The following ARHGAP10 variants were observed in gnomAD, a reference collection of about 807,000 sequenced individuals.
ARHGAP10 encodes the protein Rho GTPase activating protein 10.
ARHGAP10 carries 87 observed loss-of-function variants against 108.6 expected under a neutral mutation model. The ratio of observed to expected loss-of-function variants is 0.80; its 90% CI spans 0.67 to 0.96. ARHGAP10 has a LOEUF of 0.96. Among genes scored for constraint, ARHGAP10 ranks in the 40% least tolerant of loss-of-function variants. The probability of loss-of-function intolerance (pLI) is 0.00; values close to 1 mark genes in which losing one functional copy is unlikely to be tolerated. For missense variants in ARHGAP10, 939 were observed against 954.5 expected, an observed-to-expected ratio of 0.98 and a Z score of 0.21; for synonymous variants, 347 against 341.1, an observed-to-expected ratio of 1.02 and a Z score of -0.19.
chr4:147,994,041 G>A (rs1740379901), intron 18 of ARHGAP10, among the ~76,000 whole-genome samples: 4 of 152,198 alleles, frequency 2.6e-5, no homozygotes, highest in Admixed American at 2.6e-4. Flanking sequence ...CACACAGCTT[G>A]CTTTATTCAT....
At chr4:148,029,079 G>T (rs1222964679) in intron 19 of ARHGAP10, among the ~76,000 whole-genome samples, 1 of 152,198 alleles carries the variant, frequency 6.6e-6, no homozygotes, top group African/African-American at 2.4e-5. Flanking sequence ...AAAAAATGGT[G>T]TAGAATGTCT....
At position 147,856,361 on chromosome 4, in the gene ARHGAP10, C is replaced by T. The variant is rs184260486; in HGVS notation, c.385-1192C>T. Among the ~76,000 whole-genome samples the T allele has an allele frequency of 1.6e-4, 25 of 152,188 alleles. No individual in the cohort carries two copies. The East Asian group carries it at 4.8e-3, about 29-fold the overall frequency. The stretch of plus-strand genomic sequence containing the variant: ...ACCTATTGATACGTATTTTAAATAG[C>T]GTTACAGAAATCACTGGAAAGGTTT... On this transcript the variant is annotated intron_variant, in intron 4 of 22. Coordinates refer to ENST00000336498, the MANE Select transcript of ARHGAP10 (RefSeq NM_024605.4).
At chr4:148,067,491 G>A (rs1049052246) in intron 22 of ARHGAP10, among the ~76,000 whole-genome samples, 1 of 152,148 alleles carries the variant, frequency 6.6e-6, no homozygotes, top group Non-Finnish European at 1.5e-5. Context: ...GTTCCAAGTG[G>A]CCACTCTAGA....
chr4:147,970,093 A>G (rs1231898949), intron 18 of ARHGAP10, among the ~76,000 whole-genome samples: 2 of 151,958 alleles, frequency 1.3e-5, no homozygotes, highest in African/African-American at 4.8e-5. Flanking sequence ...ATCTTTGAAC[A>G]CTTCTACTCC....
At chr4:147,952,246 G>A (rs918561128) in intron 15 of ARHGAP10, among the ~76,000 whole-genome samples, 21 of 152,134 alleles carry the variant, frequency 1.4e-4, no homozygotes, top group African/African-American at 4.8e-4. Flanking sequence ...TTGAGTGGAC[G>A]CAGGCTTTCA....
chr4:147,832,283 G>A (rs1393423444), intron 3 of ARHGAP10, among the ~76,000 whole-genome samples: 2 of 151,920 alleles, frequency 1.3e-5, no homozygotes, highest in Non-Finnish European at 2.9e-5. Flanking sequence ...ATATTAGATG[G>A]TATAGCCTTG....
At chr4:147,874,006 C>G (rs945746218) in intron 7 of ARHGAP10, among the ~76,000 whole-genome samples, 1 of 151,688 alleles carries the variant, frequency 6.6e-6, no homozygotes, top group Non-Finnish European at 1.5e-5. Context: ...TGATATTTCT[C>G]GCAGCTCTTA....
chr4:147,771,760 A>G (rs750884921), intron 1 of ARHGAP10, among the ~76,000 whole-genome samples: 13 of 152,082 alleles, frequency 8.5e-5, no homozygotes, highest in Non-Finnish European at 1.9e-4. Context: ...CATAATTCTC[A>G]TCTTCCTCGC....
chr4:147,927,852 C>A (rs1275690745), intron 13 of ARHGAP10, among the ~76,000 whole-genome samples: 2 of 152,192 alleles, frequency 1.3e-5, no homozygotes, highest in Admixed American at 1.3e-4. Context: ...ACAGCCAGTG[C>A]CTGTATTAGA....
At chr4:148,007,220 C>T (rs1004529391) in intron 18 of ARHGAP10, among the ~76,000 whole-genome samples, 1 of 152,148 alleles carries the variant, frequency 6.6e-6, no homozygotes, top group African/African-American at 2.4e-5. Context: ...CTATCTGACA[C>T]GCTTTTCTTT....
At chr4:147,908,416 A>C (rs1736589534) in intron 11 of ARHGAP10, among the ~76,000 whole-genome samples, 2 of 152,226 alleles carry the variant, frequency 1.3e-5, no homozygotes, top group South Asian at 4.1e-4. Flanking sequence ...TGGCAATGTC[A>C]GTGTAACCTT....
At chr4:147,974,958 A>T (rs764942013) in intron 18 of ARHGAP10, among the ~76,000 whole-genome samples, 2 of 152,186 alleles carry the variant, frequency 1.3e-5, no homozygotes, top group Admixed American at 6.5e-5. Context: ...CCATGATTCA[A>T]TTATCTCCCA....
chr4:148,039,596 G>A (rs563600004), intron 19 of ARHGAP10, among the ~76,000 whole-genome samples: 2 of 151,490 alleles, frequency 1.3e-5, no homozygotes, highest in South Asian at 2.1e-4. Flanking sequence ...CACCACACCC[G>A]GCCTAGGATA....
At chr4:148,038,196 G>C (rs1036806512) in intron 19 of ARHGAP10, among the ~76,000 whole-genome samples, 1 of 152,134 alleles carries the variant, frequency 6.6e-6, no homozygotes, top group Non-Finnish European at 1.5e-5. Context: ...TGGCAGTTCT[G>C]TTTCTTGGTA....
At chr4:147,942,049 T>C (rs901990995) in intron 14 of ARHGAP10, among the ~76,000 whole-genome samples, 3 of 152,212 alleles carry the variant, frequency 2.0e-5, no homozygotes, top group African/African-American at 4.8e-5. Flanking sequence ...TCTCCAACTT[T>C]TCCCATTTTG....
At chr4:147,874,945 G>T (rs1734998497) in intron 7 of ARHGAP10, 76 bp from the exon 8 acceptor site, 3 of 1,371,928 alleles carry the variant, frequency 2.2e-6, no homozygotes, top group Non-Finnish European at 2.9e-6. Flanking sequence ...TTACATTTAT[G>T]CAGAGACTTT....
At chr4:147,804,151 T>A (rs1327172495) in intron 1 of ARHGAP10, among the ~76,000 whole-genome samples, 1 of 152,114 alleles carries the variant, frequency 6.6e-6, no homozygotes, top group African/African-American at 2.4e-5. Flanking sequence ...CTCACCCTCC[T>A]CCTACCCTCC....
intron 18 of ARHGAP10, among the ~76,000 whole-genome samples, chr4:147,998,283 A>G (rs934982197): frequency 3.9e-5 from 6 of 152,062 alleles, no homozygotes; most frequent in Non-Finnish European, 7.4e-5. Context: ...GAAATAATAG[A>G]TATACAGTGC....
intron 1 of ARHGAP10, among the ~76,000 whole-genome samples, chr4:147,788,170 G>T (rs766282823): frequency 2.0e-5 from 3 of 151,980 alleles, no homozygotes; most frequent in Non-Finnish European, 4.4e-5. Flanking sequence ...TGAAGGGCCA[G>T]GCATGGTGGC....
Sources: allele counts gnomAD v4.1 joint callset (sites outside exome capture counted in the v4.1 genomes callset), GRCh38; gene constraint gnomAD v4.1.1; transcripts MANE v1.5; gene names NCBI Gene and HGNC (gene_info 2026-07-23, HGNC 2026-07-21).